RASSF3: variants seen among roughly 807,000 people sequenced by gnomAD.
The protein encoded by RASSF3 is Ras association domain family member 3.
A neutral mutation model predicts 19.9 loss-of-function variants in RASSF3; 19 were observed. The observed-to-expected ratio is 0.96, with a 90% CI of 0.67 to 1.40. RASSF3 has a LOEUF of 1.40. RASSF3 is among the 40% of genes most tolerant of loss of function. The pLI is 0.00. For synonymous variants in RASSF3, 110 were observed against 104.2 expected (o/e 1.06, Z -0.34); for missense variants, 306 against 289.8 (o/e 1.06, Z -0.41).
intron 2 of RASSF3, among the ~76,000 whole-genome samples, chr12:64,581,437 AT>A (rs1210495858): frequency 4.6e-5 from 7 of 152,202 alleles, no homozygotes; most frequent in African/African-American, 1.4e-4. Flanking sequence ...GAAAGTAGTC[AT>A]GCTTTTCAAG....
At chr12:64,630,246 A>G (rs1871130805) in intron 1 of RASSF3, among the ~76,000 whole-genome samples, 2 of 151,372 alleles carry the variant, frequency 1.3e-5, no homozygotes, top group African/African-American at 4.9e-5. Context: ...AAAAATTAGC[A>G]AGGCCATGGT....
chr12:64,610,846 G>T, intron 1 of RASSF3, 103 bp downstream of exon 1: 1 of 590,802 alleles, frequency 1.7e-6, no homozygotes, highest in South Asian at 2.5e-5. Flanking sequence ...GCGCTCGGGG[G>T]ATGCTCGCCG....
intron 1 of RASSF3, among the ~76,000 whole-genome samples, chr12:64,659,407 C>T (rs1240436741): frequency 6.6e-6 from 1 of 152,158 alleles, no homozygotes; most frequent in Non-Finnish European, 1.5e-5. Context: ...CATGGAAGAA[C>T]AGGGTTCCTA....
intron 1 of RASSF3, among the ~76,000 whole-genome samples, chr12:64,522,336 C>T (rs1283808502): frequency 1.3e-5 from 2 of 152,128 alleles, no homozygotes; most frequent in East Asian, 3.9e-4. Context: ...TTATTTTCCT[C>T]CCAGCTCCTG....
At chr12:64,554,380 C>T (rs1304675161) in intron 2 of RASSF3, among the ~76,000 whole-genome samples, 4 of 152,230 alleles carry the variant, frequency 2.6e-5, no homozygotes, top group African/African-American at 9.6e-5. Flanking sequence ...TCTTGGCTCA[C>T]TGCAACCTTT....
chr12:64,568,413 T>G (rs1231312359), intron 2 of RASSF3, among the ~76,000 whole-genome samples: 1 of 152,218 alleles, frequency 6.6e-6, no homozygotes, highest in Non-Finnish European at 1.5e-5. Flanking sequence ...AACCATTTGT[T>G]TGCCTTTCTT....
intron 2 of RASSF3, among the ~76,000 whole-genome samples, chr12:64,583,473 T>G (rs898322735): frequency 2.0e-5 from 3 of 152,082 alleles, no homozygotes; most frequent in Non-Finnish European, 4.4e-5. Flanking sequence ...AATACAAAAA[T>G]TAGCCAGGCA....
At chr12:64,567,873 C>A (rs1461521566) in intron 2 of RASSF3, among the ~76,000 whole-genome samples, 1 of 152,188 alleles carries the variant, frequency 6.6e-6, no homozygotes, top group Non-Finnish European at 1.5e-5. Flanking sequence ...GGAGACACAG[C>A]CTTTCCATCG....
chr12:64,671,276 G>A (rs1159054769), intron 1 of RASSF3, among the ~76,000 whole-genome samples: 2 of 152,126 alleles, frequency 1.3e-5, no homozygotes, highest in African/African-American at 4.8e-5. Flanking sequence ...GTGAACCCTC[G>A]AAGACTGATC....
intron 3 of RASSF3, among the ~76,000 whole-genome samples, chr12:64,688,691 C>A (rs997745138): frequency 6.6e-6 from 1 of 150,926 alleles, no homozygotes; most frequent in Non-Finnish European, 1.5e-5. Context: ...TTGGCAGTTA[C>A]GAGTATTTTG....
chr12:64,587,285 A>C (rs1384279569), intron 2 of RASSF3, among the ~76,000 whole-genome samples: 1 of 151,870 alleles, frequency 6.6e-6, no homozygotes, highest in Non-Finnish European at 1.5e-5. Flanking sequence ...TTGAACTCCC[A>C]ACCTCAGGCA....
intron 2 of RASSF3, among the ~76,000 whole-genome samples, chr12:64,586,866 T>G (rs948541821): frequency 1.3e-5 from 2 of 151,484 alleles, no homozygotes; most frequent in Non-Finnish European, 2.9e-5. Context: ...GAGGTTGCAG[T>G]AAGCGGAGAT....
At chr12:64,691,712 A>AAGAG (rs1322069492) in intron 4 of RASSF3, 133 bp downstream of exon 4, 2 of 713,488 alleles carry the variant, frequency 2.8e-6, no homozygotes, top group Non-Finnish European at 4.9e-6. Context: ...ATGGGAAGAG[A>AAGAG]AGAGAGTTGG....
chr12:64,518,139 ATAGT>A (rs1305888519), intron 1 of RASSF3, among the ~76,000 whole-genome samples: 2 of 152,226 alleles, frequency 1.3e-5, no homozygotes, highest in Non-Finnish European at 2.9e-5. Flanking sequence ...TTAATCATTC[ATAGT>A]TAATGAGAAC....
exon 1 of RASSF3, chr12:64,507,066 G>A: frequency 2.5e-6 from 1 of 397,220 alleles, no homozygotes; most frequent in Non-Finnish European, 4.4e-6. Flanking sequence ...ACAGAGGAAG[G>A]GGATTTAGGG....
intron 1 of RASSF3, among the ~76,000 whole-genome samples, chr12:64,675,179 C>G (rs1169755051): frequency 6.6e-6 from 1 of 151,678 alleles, no homozygotes; most frequent in Non-Finnish European, 1.5e-5. Flanking sequence ...AATCTGCTCA[C>G]TTCAATGAAA....
rs112301070 is a variant in RASSF3, at chr12:64,625,970, C to T, written c.111+15227C>T. 3.5e-3 allele frequency among the ~76,000 whole-genome samples: 537 copies of T among 152,248 alleles called. 4 individuals carry two copies. Among genetic ancestry groups the T allele is most frequent in the African/African-American group, 0.012 (498 of 41,544 alleles). The stretch of plus-strand genomic sequence containing the variant: ...GAAACCTCTTCCTAGTCCTACAGGC[C>T]GGATGCGCCTTCTGAGTTTTCATAT... On this transcript the variant is annotated intron_variant, in intron 1 of 4. Transcript: ENST00000542104.
intron 1 of RASSF3, among the ~76,000 whole-genome samples, chr12:64,627,298 G>A (rs931063573): frequency 1.3e-5 from 2 of 152,176 alleles, no homozygotes; most frequent in South Asian, 4.1e-4. Flanking sequence ...CTGCAAAGTC[G>A]TGATTTGTGT....
At chr12:64,651,098 G>A (rs1871936266) in intron 1 of RASSF3, among the ~76,000 whole-genome samples, 1 of 152,062 alleles carries the variant, frequency 6.6e-6, no homozygotes, top group South Asian at 2.1e-4. Context: ...CATATACAGA[G>A]CTGACTTACT....
Sources: gnomAD v4.1 joint callset for allele counts (sites outside exome capture counted in the v4.1 genomes callset) on GRCh38, gnomAD v4.1.1 for gene constraint, MANE v1.5 for transcripts, NCBI Gene and HGNC (gene_info 2026-07-23, HGNC 2026-07-21) for gene names.